RPSA2: variants seen among roughly 807,000 people sequenced by gnomAD.
RPSA2 encodes the protein ribosomal protein SA 2, also known as small ribosomal subunit protein uS2B.
At chr19:23,866,687 C>A in the RPSA2 span, among the ~76,000 whole-genome samples, 4 of 152,106 alleles carry the variant, frequency 2.6e-5, no homozygotes, top group African/African-American at 4.8e-5. Flanking sequence ...CCAGTTCAGA[C>A]CACAACCCCA....
At chr19:23,825,172 G>A in the RPSA2 span, among the ~76,000 whole-genome samples, 1 of 151,898 alleles carries the variant, frequency 6.6e-6, no homozygotes, top group East Asian at 1.9e-4. Context: ...TAGAGACTGG[G>A]TTTCACCATG....
At chr19:23,830,052 T>TTG in the RPSA2 span, among the ~76,000 whole-genome samples, 1 of 370 alleles carries the variant, frequency 2.7e-3, no homozygotes, top group Non-Finnish European at 0.023. Context: ...CTTTGGAAGG[T>TTG]TTTTTTTTTT....
the RPSA2 span, among the ~76,000 whole-genome samples, chr19:23,820,487 C>G: frequency 6.6e-6 from 1 of 152,126 alleles, no homozygotes. Flanking sequence ...GAGGCATGGT[C>G]AGGGCTTCTT....
chr19:23,812,960 G>A, the RPSA2 span, among the ~76,000 whole-genome samples: 11 of 152,048 alleles, frequency 7.2e-5, no homozygotes, highest in African/African-American at 2.7e-4. Flanking sequence ...GCATAGTGGT[G>A]GCTCACATCT....
chr19:23,869,407 C>T, the RPSA2 span, among the ~76,000 whole-genome samples: 10 of 110,654 alleles, frequency 9.0e-5, no homozygotes, highest in South Asian at 3.5e-4. Context: ...CAACCATGCC[C>T]GGCCCAATTG....
At chr19:23,843,936 T>C in the RPSA2 span, among the ~76,000 whole-genome samples, 1 of 152,130 alleles carries the variant, frequency 6.6e-6, no homozygotes, top group Non-Finnish European at 1.5e-5. Flanking sequence ...ATTTTGTATT[T>C]TTAGTAGAGA....
the RPSA2 span, among the ~76,000 whole-genome samples, chr19:23,780,785 A>G: frequency 2.6e-5 from 4 of 152,240 alleles, no homozygotes; most frequent in East Asian, 1.9e-4. Flanking sequence ...CACACCATAT[A>G]CAGTCCTCAA....
the RPSA2 span, among the ~76,000 whole-genome samples, chr19:23,825,949 G>A: frequency 6.7e-6 from 1 of 150,246 alleles, no homozygotes; most frequent in African/African-American, 2.4e-5. Context: ...TTTCTGTGTG[G>A]GAGAAACACT....
At chr19:23,785,594 A>G in the RPSA2 span, among the ~76,000 whole-genome samples, 1 of 152,044 alleles carries the variant, frequency 6.6e-6, no homozygotes, top group Non-Finnish European at 1.5e-5. Flanking sequence ...CTTTCAGGAG[A>G]AGGTTGTAAC....
the RPSA2 span, among the ~76,000 whole-genome samples, chr19:23,864,543 C>T: frequency 2.0e-5 from 3 of 152,142 alleles, no homozygotes; most frequent in Non-Finnish European, 2.9e-5. Flanking sequence ...ACCCAACAGA[C>T]AGCATACATG....
chr19:23,858,976 C>A, the RPSA2 span, among the ~76,000 whole-genome samples: 6 of 152,178 alleles, frequency 3.9e-5, no homozygotes, highest in Admixed American at 2.6e-4. Context: ...GGGTGCCCCA[C>A]TCTTTTTCAG....
At chr19:23,766,142 C>CTT in the RPSA2 span, among the ~76,000 whole-genome samples, 31 of 43,288 alleles carry the variant, frequency 7.2e-4, 6 homozygotes, top group Admixed American at 1.8e-3. Flanking sequence ...TATTTCATTT[C>CTT]CTTTTTTTTT....
chr19:23,857,670 A>G, the RPSA2 span, among the ~76,000 whole-genome samples: 1 of 140,216 alleles, frequency 7.1e-6, no homozygotes. Flanking sequence ...TTTTTTTTGT[A>G]TTTTTTAGTA....
At chr19:23,842,096 G>C in the RPSA2 span, among the ~76,000 whole-genome samples, 1 of 152,154 alleles carries the variant, frequency 6.6e-6, no homozygotes, top group African/African-American at 2.4e-5. Context: ...GAGTTTGTTT[G>C]CAATATAGTA....
At chr19:23,847,600 C>T in the RPSA2 span, among the ~76,000 whole-genome samples, 3 of 152,234 alleles carry the variant, frequency 2.0e-5, no homozygotes, top group Non-Finnish European at 4.4e-5. Context: ...CTGATAAGAG[C>T]CTATGTTCAG....
the RPSA2 span, among the ~76,000 whole-genome samples, chr19:23,824,081 G>A: frequency 6.6e-6 from 1 of 152,168 alleles, no homozygotes; most frequent in African/African-American, 2.4e-5. Flanking sequence ...CAAGTACAGG[G>A]CTTGTCTTTT....
At chr19:23,854,009 A>T in the RPSA2 span, among the ~76,000 whole-genome samples, 1 of 152,216 alleles carries the variant, frequency 6.6e-6, no homozygotes, top group African/African-American at 2.4e-5. Context: ...TTTAGAAATT[A>T]CATTAATCCA....
the RPSA2 span, among the ~76,000 whole-genome samples, chr19:23,789,773 ACT>A: frequency 4.7e-5 from 7 of 149,974 alleles, no homozygotes; most frequent in African/African-American, 7.4e-5. Flanking sequence ...GCAGTGGCAC[ACT>A]CTCGGCTAAC....
the RPSA2 span, among the ~76,000 whole-genome samples, chr19:23,839,160 T>C: frequency 6.6e-6 from 1 of 152,192 alleles, no homozygotes; most frequent in African/African-American, 2.4e-5. Context: ...AGTTGAAGAA[T>C]TTTTTAATTT....
Sources: gnomAD v4.1 joint callset for allele counts (sites outside exome capture counted in the v4.1 genomes callset) on GRCh38, gnomAD v4.1.1 for gene constraint, MANE v1.5 for transcripts, NCBI Gene and HGNC (gene_info 2026-07-23, HGNC 2026-07-21) for gene names.